The following TMTC3 variants were observed in gnomAD, a reference collection of about 807,000 sequenced individuals.
The protein encoded by TMTC3 is protein O-mannosyl-transferase TMTC3.
Under a neutral mutation model 92.2 loss-of-function variants are expected in TMTC3, and 52 were observed. The observed-to-expected ratio is 0.56, with a 90% CI of 0.45 to 0.71. The LOEUF is 0.71. Among genes scored for constraint, TMTC3 ranks in the 30% least tolerant of loss-of-function variants. The pLI is 0.00. For missense variants in TMTC3, 896 were observed against 1,057.1 expected, an observed-to-expected ratio of 0.85 and a Z score of 2.11; for synonymous variants, 339 against 363.3, an observed-to-expected ratio of 0.93 and a Z score of 0.76.
At chr12:88,187,384 A>T (rs2041389872) in intron 10 of TMTC3, among the ~76,000 whole-genome samples, 1 of 152,196 alleles carries the variant, frequency 6.6e-6, no homozygotes, top group Non-Finnish European at 1.5e-5. Context: ...ACTTTTTATG[A>T]ACATATTTTT....
chr12:88,189,897 C>G (rs986590950), intron 11 of TMTC3, among the ~76,000 whole-genome samples: 3 of 151,912 alleles, frequency 2.0e-5, no homozygotes, highest in African/African-American at 7.3e-5. Context: ...TACAATTTAA[C>G]TGTTACAGTT....
intron 3 of TMTC3, among the ~76,000 whole-genome samples, chr12:88,153,729 A>C (rs187744864): frequency 6.6e-6 from 1 of 152,114 alleles, no homozygotes; most frequent in African/African-American, 2.4e-5. Flanking sequence ...TTTTTGAAAC[A>C]TAAACATTTT....
In TMTC3 at chr12:88,181,390, G is replaced by A. The variant is rs1428396490; in HGVS notation, c.1432+5071G>A. Among the ~76,000 whole-genome samples, 3 of 152,174 alleles carry A rather than the reference G, an allele frequency of 2.0e-5. No individual in the cohort carries two copies. The East Asian group carries it at 5.8e-4, about 29-fold the overall frequency. On this transcript the variant is annotated intron_variant, in intron 10 of 13. Coordinates refer to ENST00000266712, the MANE Select transcript of TMTC3 (RefSeq NM_181783.4). ...GGAGACATGCCTGTGAGTTGGCAATGTGGGCATTGTAAAATAATTTGTTTA... is the reference window on the plus strand; with the variant it reads ...GGAGACATGCCTGTGAGTTGGCAATATGGGCATTGTAAAATAATTTGTTTA...
intron 4 of TMTC3, among the ~76,000 whole-genome samples, chr12:88,157,836 T>C (rs1427348922): frequency 6.6e-6 from 1 of 152,148 alleles, no homozygotes; most frequent in African/African-American, 2.4e-5. Flanking sequence ...AATCAAAGTG[T>C]TTATATAGTA....
At chr12:88,170,108 C>G (rs777027684) in intron 7 of TMTC3, among the ~76,000 whole-genome samples, 33 of 152,262 alleles carry the variant, frequency 2.2e-4, no homozygotes, top group Admixed American at 5.9e-4. Flanking sequence ...AAGGAAATTA[C>G]AAGAGAGTGA....
At position 88,195,537 on chromosome 12, in the gene TMTC3, G is replaced by A. The variant is rs1473247694; in HGVS notation, c.2633G>A (p.Gly878Glu). The A allele has an allele frequency of 2.2e-5, 36 of 1,613,076 alleles. No homozygotes were observed. The highest frequency in any genetic ancestry group is 3.1e-5 in the Non-Finnish European group (36 of 1,179,696). The change falls in exon 14 of 14, where the codon GGA (glycine) becomes GAA (glutamate). Residue 878 changes from glycine to glutamate, a missense_variant. Physicochemically the swap from Gly to Glu is moderately conservative, Grantham distance 98. Coordinates refer to ENST00000266712, the MANE Select transcript of TMTC3 (RefSeq NM_181783.4). Reference sequence around the variant, plus strand: ...TCCAACAAACAATTAGGAAAAAATGGAGACGAAGAGACACCCCACAAAACA... The same window carrying A: ...TCCAACAAACAATTAGGAAAAAATGAAGACGAAGAGACACCCCACAAAACA... ...SKSNKQLGKNGDEETPHKTTK... is the reference protein window; with the variant it reads ...SKSNKQLGKNEDEETPHKTTK...
At chr12:88,165,574 G>A (rs1361935191) in intron 6 of TMTC3, among the ~76,000 whole-genome samples, 2 of 152,024 alleles carry the variant, frequency 1.3e-5, no homozygotes, top group Non-Finnish European at 2.9e-5. Context: ...ATCTTAAAAT[G>A]AGAAAATGGG....
Position 88,197,105 on chromosome 12 carries a change from T to C in TMTC3, c.*1456T>C, listed in dbSNP as rs2041522305. ...TATAGTATTTCAAAACTATATATTT[T>C]TTAGTTCCTTTGAGATAACTAATTT... On this transcript the variant is annotated 3_prime_UTR_variant, in exon 14 of 14. Coordinates refer to ENST00000266712, the MANE Select transcript of TMTC3 (RefSeq NM_181783.4). The C allele has an allele frequency of 6.6e-6, 1 of 152,146 alleles. No individual in the cohort carries two copies. Among genetic ancestry groups the C allele is most frequent in the Admixed American group, 6.6e-5 (1 of 15,214 alleles). 9.4% of individuals were successfully genotyped at this position (152,146 alleles called of 1,614,324 possible).
chr12:88,154,143 C>T (rs759295314), intron 3 of TMTC3, 145 bp from the exon 4 acceptor site: 13 of 571,952 alleles, frequency 2.3e-5, no homozygotes, highest in African/African-American at 5.8e-5. Flanking sequence ...TTCACAAATT[C>T]ACCACCTGAG....
chr12:88,148,559 G>T, intron 2 of TMTC3, 55 bp downstream of exon 2: 1 of 1,292,570 alleles, frequency 7.7e-7, no homozygotes, highest in East Asian at 2.4e-5. Context: ...AAATATTCTG[G>T]TATTTTATTA....
At chr12:88,149,704 C>T (rs2040918016) in intron 2 of TMTC3, among the ~76,000 whole-genome samples, 2 of 152,110 alleles carry the variant, frequency 1.3e-5, no homozygotes, top group African/African-American at 2.4e-5. Flanking sequence ...ATTTGGAAGC[C>T]TCTCAAGGTT....
chr12:88,180,485 C>T (rs2041305461), intron 10 of TMTC3, among the ~76,000 whole-genome samples: 1 of 152,166 alleles, frequency 6.6e-6, no homozygotes, highest in Non-Finnish European at 1.5e-5. Context: ...AACCAATGTC[C>T]TATGAGAGTT....
Position 88,192,726 on chromosome 12 carries a change from T to C in TMTC3, c.1829T>C (p.Leu610Pro). The change falls in exon 13 of 14, where the codon CTT (leucine) becomes CCT (proline). Residue 610 changes from leucine to proline, a missense_variant. Coordinates refer to ENST00000266712, the MANE Select transcript of TMTC3 (RefSeq NM_181783.4). ...WYNLAIVHIE[L>P]KEPNEALKNF... ...AACTTGGCAATTGTACATATTGAAC[T>C]TAAAGAACCAAATGAAGCCCTAAAA... 6.2e-7 allele frequency: 1 copy of C among 1,613,548 alleles called. No individual in the cohort carries two copies. Among genetic ancestry groups the C allele is most frequent in the Non-Finnish European group, 8.5e-7 (1 of 1,179,678 alleles).
At chr12:88,156,277 A>T (rs1308008797) in intron 4 of TMTC3, among the ~76,000 whole-genome samples, 1 of 152,200 alleles carries the variant, frequency 6.6e-6, no homozygotes, top group Non-Finnish European at 1.5e-5. Flanking sequence ...GTTATAAACT[A>T]CTGTGCCTGT....
intron 8 of TMTC3, among the ~76,000 whole-genome samples, chr12:88,174,055 A>G (rs1358016496): frequency 2.0e-5 from 3 of 152,168 alleles, no homozygotes; most frequent in African/African-American, 7.2e-5. Flanking sequence ...TAGGTGAAGA[A>G]TTGAGCCCTC....
At chr12:88,160,884 CT>C (rs1565946876) in intron 6 of TMTC3, 33 bp downstream of exon 6, 46 of 1,523,452 alleles carry the variant, frequency 3.0e-5, no homozygotes, top group Admixed American at 8.8e-5. Context: ...TTTCTCCATT[CT>C]TTTTTTTAAC....
chr12:88,169,543 A>G (rs1372541150), intron 7 of TMTC3, among the ~76,000 whole-genome samples: 2 of 152,194 alleles, frequency 1.3e-5, no homozygotes, highest in Non-Finnish European at 2.9e-5. Context: ...GGATAAGTAG[A>G]ACAAAGGAGC....
At chr12:88,188,751 G>A (rs992079206) in intron 10 of TMTC3, 92 bp from the exon 11 acceptor site, 5 of 643,478 alleles carry the variant, frequency 7.8e-6, no homozygotes, top group African/African-American at 7.7e-5. Flanking sequence ...TTGAATACTT[G>A]TTTATATATC....
rs759359570 is a variant in TMTC3, at chr12:88,153,381, C to T, written c.280C>T (p.Leu94Phe). 1 of 1,612,582 alleles carries T rather than the reference C, an allele frequency of 6.2e-7. No individual in the cohort carries two copies. The highest frequency in any genetic ancestry group is 1.1e-5 in the South Asian group (1 of 91,030). ...TGAACTAAAACCAATGTCATATCAT[C>T]TCCTGAATATGATTTTTCATGCTGT... Reference protein sequence around the residue: ...LSELKPMSYHLLNMIFHAVVS... With the variant: ...LSELKPMSYHFLNMIFHAVVS... Residue 94 changes from leucine to phenylalanine, a missense_variant, in exon 3 of 14, where the codon CTC (leucine) becomes TTC (phenylalanine). Physicochemically the swap from Leu to Phe is conservative, Grantham distance 22. Coordinates refer to ENST00000266712, the MANE Select transcript of TMTC3 (RefSeq NM_181783.4).
Sources: allele counts gnomAD v4.1 joint callset (sites outside exome capture counted in the v4.1 genomes callset), GRCh38; gene constraint gnomAD v4.1.1; transcripts MANE v1.5; gene names NCBI Gene and HGNC (gene_info 2026-07-23, HGNC 2026-07-21).